Variants in NINL observed in about 807,000 individuals in gnomAD.
NINL encodes ninein-like protein.
Under a neutral mutation model 160.3 loss-of-function variants are expected in NINL, and 153 were observed. The observed-to-expected ratio is 0.95, with a 90% CI of 0.84 to 1.09. NINL has a LOEUF of 1.09. Among genes scored for constraint, NINL ranks in the 50% least tolerant of loss-of-function variants. The pLI is 0.00. For synonymous variants in NINL, 800 were observed against 734.8 expected (o/e 1.09, Z -1.43); for missense variants, 1,829 against 1,764.0 (o/e 1.04, Z -0.66).
At chr20:25,456,241 C>CAAAAAA (rs34657031) in intron 22 of NINL, among the ~76,000 whole-genome samples, 11 of 40,690 alleles carry the variant, frequency 2.7e-4, no homozygotes, top group Admixed American at 7.7e-4. Context: ...GACTCCATCT[C>CAAAAAA]AAAAAAAAAA....
chr20:25,574,545 T>A (rs2065093074), intron 1 of NINL, among the ~76,000 whole-genome samples: 1 of 152,078 alleles, frequency 6.6e-6, no homozygotes, highest in Admixed American at 6.6e-5. Flanking sequence ...CCAGGCCACC[T>A]CCTCCTCATG....
intron 8 of NINL, among the ~76,000 whole-genome samples, chr20:25,498,580 C>T (rs2063806098): frequency 1.3e-5 from 2 of 152,214 alleles, no homozygotes; most frequent in Admixed American, 6.5e-5. Context: ...GGTGCGTAGG[C>T]CCAGGCTAGA....
intron 23 of NINL, among the ~76,000 whole-genome samples, chr20:25,454,172 T>A (rs986689745): frequency 6.6e-6 from 1 of 152,204 alleles, no homozygotes; most frequent in African/African-American, 2.4e-5. Flanking sequence ...TTGAGGCAGC[T>A]TTGTGCCGTG....
At chr20:25,499,049 C>T (rs999171212) in intron 8 of NINL, 65 of 985,334 alleles carry the variant, frequency 6.6e-5, no homozygotes, top group Non-Finnish European at 6.7e-5. Flanking sequence ...TGGCTACAAA[C>T]GCCCTGCTCA....
intron 10 of NINL, among the ~76,000 whole-genome samples, chr20:25,495,171 A>G (rs542504937): frequency 1.3e-5 from 2 of 152,244 alleles, no homozygotes; most frequent in South Asian, 2.1e-4. Context: ...CAACCCCTGG[A>G]GCCCCAGGTT....
rs376630729 is a variant in NINL at position 25,461,653 on chromosome 20, A to G, written c.3583-18T>C. ...TGGTCACTCTGTTTTTAAAAAATCAATTGCACAAGTCAAGAAGTATCTGAA... is the reference window on the plus strand; with the variant it reads ...TGGTCACTCTGTTTTTAAAAAATCAGTTGCACAAGTCAAGAAGTATCTGAA... On this transcript the variant is annotated intron_variant, in intron 20 of 23. Coordinates refer to ENST00000278886, the MANE Select transcript of NINL (RefSeq NM_025176.6). 69 of 1,499,416 alleles carry G rather than the reference A, an allele frequency of 4.6e-5. No individual in the cohort carries two copies. In the African/African-American group the frequency reaches 8.1e-4, roughly 18 times the overall value. 92.9% of individuals were successfully genotyped at this position (1,499,416 alleles called of 1,614,324 possible). A position where few individuals can be genotyped will look rare whatever the true frequency, so the allele number is the denominator to read the frequency against.
intron 1 of NINL, among the ~76,000 whole-genome samples, chr20:25,567,115 AT>A (rs1447040359): frequency 6.6e-6 from 1 of 152,174 alleles, no homozygotes; most frequent in Non-Finnish European, 1.5e-5. Context: ...CAAAAAAAAA[AT>A]TTTCTTTTAA....
chr20:25,540,431 T>C (rs936989431), intron 1 of NINL, among the ~76,000 whole-genome samples: 4 of 152,088 alleles, frequency 2.6e-5, no homozygotes, highest in Admixed American at 6.5e-5. Flanking sequence ...GGAGAAGGTG[T>C]TGGTTTGCAT....
chr20:25,453,991 G>T (rs1046096140), intron 23 of NINL, among the ~76,000 whole-genome samples: 3 of 152,088 alleles, frequency 2.0e-5, no homozygotes, highest in Non-Finnish European at 4.4e-5. Context: ...GGTGGAGCTT[G>T]CAGTGAGCAG....
intron 22 of NINL, 29 bp from the exon 23 acceptor site, chr20:25,455,815 G>A (rs201786774): frequency 1.3e-3 from 2,120 of 1,579,846 alleles, no homozygotes; most frequent in Non-Finnish European, 1.5e-3. Context: ...GCAGGTGGCC[G>A]GGCATGGTGG....
chr20:25,476,517 G>C lies in NINL; in HGVS notation c.2774C>G (p.Pro925Arg). 1 of 1,601,900 alleles carries C rather than the reference G, an allele frequency of 6.2e-7. No individual in the cohort carries two copies. Among genetic ancestry groups the C allele is most frequent in the East Asian group, 2.2e-5 (1 of 44,870 alleles). Reference sequence around the variant, plus strand: ...CAGCCCCGCTGCGCTCGCGCCGAAAGGCTCTGGCTCCTTTGGGACAATATC... The same window carrying C: ...CAGCCCCGCTGCGCTCGCGCCGAAACGCTCTGGCTCCTTTGGGACAATATC... The part of the protein sequence containing the change: ...DGDIVPKEPE[P>R]FGASAAGLEQ... The change falls in exon 17 of 24, where the codon CCT (proline) becomes CGT (arginine). Residue 925 changes from proline (P) to arginine (R), a missense_variant. Coordinates refer to ENST00000278886, the MANE Select transcript of NINL (RefSeq NM_025176.6).
chr20:25,555,523 G>A (rs922256367), intron 1 of NINL, among the ~76,000 whole-genome samples: 2 of 152,176 alleles, frequency 1.3e-5, no homozygotes, highest in Non-Finnish European at 2.9e-5. Context: ...TATGGCTCAA[G>A]GAATATTTAC....
Position 25,458,430 on chromosome 20 carries a change from G to T in NINL, c.3796C>A (p.Leu1266Ile). The T allele has an allele frequency of 6.2e-7, 1 of 1,606,404 alleles. No individual in the cohort carries two copies. The change falls in exon 22 of 24, where the codon CTC (leucine) becomes ATC (isoleucine). Residue 1266 changes from leucine to isoleucine, a missense_variant. By Grantham distance (5) the Leu-to-Ile change is conservative (BLOSUM62 2). Transcript: ENST00000278886. ...QDRVAELHRL[L>I]SLQGEQARRR... ...CTGGCCTGCTCTCCCTGAAGGCTGA[G>T]CAGGCGATGCAGCTCGGCCACACGG...
intron 22 of NINL, among the ~76,000 whole-genome samples, 168 bp from the exon 23 acceptor site, chr20:25,455,954 T>G (rs2090663428): frequency 6.6e-6 from 1 of 151,148 alleles, no homozygotes; most frequent in African/African-American, 2.4e-5. Flanking sequence ...AAATTAGCCG[T>G]GTGTGGTGGT....
intron 1 of NINL, among the ~76,000 whole-genome samples, chr20:25,558,629 T>C (rs1049629667): frequency 8.5e-5 from 13 of 152,262 alleles, no homozygotes; most frequent in Non-Finnish European, 1.8e-4. Flanking sequence ...TTTCTGAGTA[T>C]GAAGACTCAT....
intron 5 of NINL, chr20:25,509,713 A>T (rs545321545): frequency 2.2e-6 from 1 of 456,750 alleles, no homozygotes; most frequent in East Asian, 6.9e-5. Context: ...GCATCATGTA[A>T]GTCAGCAGTA....
At chr20:25,458,247 T>C in intron 22 of NINL, 136 bp downstream of exon 22, 1 of 1,208,246 alleles carries the variant, frequency 8.3e-7, no homozygotes, top group Non-Finnish European at 1.2e-6. Flanking sequence ...CCCTACAGCC[T>C]TCCTTACCAT....
intron 1 of NINL, among the ~76,000 whole-genome samples, chr20:25,554,638 A>AAACAAAACAAAACAAAAC (rs1568963300): frequency 8.2e-5 from 3 of 36,508 alleles, no homozygotes; most frequent in African/African-American, 2.6e-4. Context: ...AAAAAAAACA[A>AAACAAAACAAAACAAAAC]AAAAAAAAAA....
intron 1 of NINL, among the ~76,000 whole-genome samples, chr20:25,577,414 A>T (rs2065126954): frequency 1.3e-5 from 2 of 152,234 alleles, no homozygotes; most frequent in South Asian, 4.1e-4. Flanking sequence ...GTGGCCGGAC[A>T]GTCCAGCACA....
Sources: gnomAD v4.1 joint callset for allele counts (sites outside exome capture counted in the v4.1 genomes callset) on GRCh38, gnomAD v4.1.1 for gene constraint, MANE v1.5 for transcripts, NCBI Gene and HGNC (gene_info 2026-07-23, HGNC 2026-07-21) for gene names.